The following ABCC8 variants were observed in gnomAD, a reference collection of about 807,000 sequenced individuals.
The protein encoded by ABCC8 is ATP binding cassette subfamily C member 8.
Under a neutral mutation model 188.0 loss-of-function variants are expected in ABCC8, and 137 were observed. The observed-to-expected ratio is 0.73, with a 90% CI of 0.63 to 0.84. The LOEUF (loss-of-function observed/expected upper bound fraction) is 0.84. Among genes scored for constraint, ABCC8 ranks in the 40% least tolerant of loss-of-function variants. The pLI is 0.00. For synonymous variants in ABCC8, 797 were observed against 846.5 expected (o/e 0.94, Z 1.01); for missense variants, 1,750 against 2,072.7 (o/e 0.84, Z 3.02).
chr11:17,392,849 C>T (rs1409041510), downstream of ABCC8: 6 of 1,014,912 alleles, frequency 5.9e-6, no homozygotes, highest in Admixed American at 7.8e-5. Flanking sequence ...CCACCATCCA[C>T]CGCCAGCCCC....
At chr11:17,417,575 T>A (rs1344824838) in intron 16 of ABCC8, among the ~76,000 whole-genome samples, 1 of 152,044 alleles carries the variant, frequency 6.6e-6, no homozygotes, top group Admixed American at 6.6e-5. Context: ...CTCTATCCCC[T>A]CCCCCAGGAT....
At position 17,397,033 on chromosome 11, in the gene ABCC8, G is replaced by A; in HGVS notation, c.4002C>T (p.Ile1334=). 1.2e-6 allele frequency: 2 copies of A among 1,614,176 alleles called. No homozygotes were observed. The highest frequency in any genetic ancestry group is 1.7e-6 in the Non-Finnish European group (2 of 1,180,008). ...SYEGLLAPSL[I]PKNWPDQGKI... ...TCCCTTGGTCTGGCCAGTTCTTTGG[G>A]ATCAGCGATGGTGCTGGGGGCCGGG... The change falls in exon 33 of 39, where the codon ATC becomes ATT. Residue 1334 remains isoleucine, a synonymous_variant. Transcript: ENST00000389817.
Position 17,394,343 on chromosome 11 carries a change from A to G in ABCC8, c.4468T>C (p.Cys1490Arg). 6.2e-7 allele frequency: 1 copy of G among 1,614,122 alleles called. No homozygotes were observed. Among genetic ancestry groups the G allele is most frequent in the Non-Finnish European group, 8.5e-7 (1 of 1,180,038 alleles). The change falls in exon 37 of 39, where the codon TGC becomes CGC. Residue 1490 changes from cysteine (C) to arginine (R), a missense_variant. Coordinates refer to ENST00000389817, the MANE Select transcript of ABCC8 (RefSeq NM_000352.6). ...TTCCTCACGAAGGCCCGGGCCAGGC[A>G]GAACAGCTGCCTCTGTCCCTGGCTG... ...NFSQGQRQLFCLARAFVRKTS... is the reference protein window; with the variant it reads ...NFSQGQRQLFRLARAFVRKTS...
At chr11:17,437,491 C>T (rs1294574622) in intron 10 of ABCC8, among the ~76,000 whole-genome samples, 2 of 152,248 alleles carry the variant, frequency 1.3e-5, no homozygotes, top group Non-Finnish European at 1.5e-5. Flanking sequence ...GAGGAGCATG[C>T]AGGCTCACAG....
At position 17,402,608 on chromosome 11, in the gene ABCC8, C is replaced by G; in HGVS notation, c.3650+53G>C. ...GAGAATCAAATCTCATGGCCTGTGC[C>G]CCCTGGCCCCACCCCTGTTCCACTC... On this transcript the variant is annotated intron_variant, in intron 29 of 38. Transcript: ENST00000389817. The G allele has an allele frequency of 3.7e-6, 6 of 1,614,090 alleles. No homozygotes were observed. In the Admixed American group the frequency reaches 6.7e-5, roughly 18 times the overall value.
rs756864455 is a variant in ABCC8, at chr11:17,457,078, T to C, written c.1011+3410A>G. Reference sequence around the variant, plus strand: ...AGGTGACATTTGAGCAGAGTCTTGATGGCCAAGAAGGAGCTAGTGAATTGA... The same window carrying C: ...AGGTGACATTTGAGCAGAGTCTTGACGGCCAAGAAGGAGCTAGTGAATTGA... On this transcript the variant is annotated intron_variant, in intron 6 of 38. Transcript: ENST00000389817. Among the ~76,000 whole-genome samples, 8 of 152,156 alleles carry C rather than the reference T, an allele frequency of 5.3e-5. No homozygotes were observed. In the South Asian group the frequency reaches 8.3e-4, roughly 16 times the overall value.
rs571073276 is a variant in ABCC8, at chr11:17,427,835, G to A, written c.2116+32C>T. ...TATGTTATTCAGTGGGACATGGGGA[G>A]GGGCATGCTGGAGGGGTGGACTGGG... On this transcript the variant is annotated intron_variant, in intron 15 of 38. Transcript: ENST00000389817. The surrounding 1 kb of genome is among the most constrained non-coding windows in gnomAD (Gnocchi z 5.0). 6.2e-7 allele frequency: 1 copy of A among 1,612,736 alleles called. No individual in the cohort carries two copies. The highest frequency in any genetic ancestry group is 1.3e-5 in the African/African-American group (1 of 75,038).
intron 28 of ABCC8, among the ~76,000 whole-genome samples, chr11:17,403,811 G>GT (rs1175458510): frequency 6.6e-6 from 1 of 152,102 alleles, no homozygotes; most frequent in African/African-American, 2.4e-5. Flanking sequence ...AAAAATGCTG[G>GT]TTGTGATCCA....
chr11:17,463,658 C>T (rs1171276529), intron 3 of ABCC8, 54 bp from the exon 4 acceptor site: 2 of 1,551,746 alleles, frequency 1.3e-6, no homozygotes, highest in Admixed American at 2.0e-5. Context: ...TGTGTGTACA[C>T]TCACATAATG....
intron 12 of ABCC8, 187 bp from the exon 13 acceptor site, chr11:17,428,857 G>A (rs1564925968): frequency 9.1e-7 from 1 of 1,097,600 alleles, no homozygotes; most frequent in Admixed American, 2.6e-5. Flanking sequence ...GTTTGCTAGG[G>A]TTGACCAGTC....
chr11:17,460,580 T>A lies in ABCC8; in HGVS notation c.919A>T (p.Ile307Phe), dbSNP rs1957151719. The change falls in exon 6 of 39, where the codon ATC becomes TTC. Residue 307 changes from isoleucine to phenylalanine, a missense_variant. Physicochemically the swap from Ile to Phe is conservative, Grantham distance 21 (BLOSUM62 0). Coordinates refer to ENST00000389817, the MANE Select transcript of ABCC8 (RefSeq NM_000352.6). ...GCGAAGCCCAGCAGGTCGGCCAAGA[T>A]GCGGAAAGTGCTGCTGAGGACCAGG... ...RRLVLSSTFR[I>F]LADLLGFAGP... 1 of 1,613,870 alleles carries A rather than the reference T, an allele frequency of 6.2e-7. No individual in the cohort carries two copies. The highest frequency in any genetic ancestry group is 2.2e-5 in the East Asian group (1 of 44,880).
At chr11:17,418,713 A>G (rs1267168813) in intron 16 of ABCC8, among the ~76,000 whole-genome samples, 1 of 152,162 alleles carries the variant, frequency 6.6e-6, no homozygotes, top group Non-Finnish European at 1.5e-5. Context: ...CATGGTCTGC[A>G]CTGCTCAATT....
intron 6 of ABCC8, among the ~76,000 whole-genome samples, chr11:17,457,214 T>C (rs80137478): frequency 0.012 from 1,775 of 152,174 alleles, 42 homozygotes; most frequent in African/African-American, 0.041. Flanking sequence ...ACTCATTAAG[T>C]CACTCATAAT....
chr11:17,408,415 G>A lies in ABCC8; in HGVS notation c.2797C>T (p.Arg933Ter), dbSNP rs570388861. 5.0e-6 allele frequency: 8 copies of A among 1,613,456 alleles called. No homozygotes were observed. The highest frequency in any genetic ancestry group is 2.2e-5 in the South Asian group (2 of 91,058). The change falls in exon 23 of 39, where the codon CGA becomes TGA. Residue 933 changes from arginine to a stop codon, truncating the protein, a stop_gained. Coordinates refer to ENST00000389817, the MANE Select transcript of ABCC8 (RefSeq NM_000352.6). LOFTEE classifies it high-confidence loss of function. ...LFEHWKTLMN[R>*]QDQELEKETV... is the part of the protein sequence containing the mutation. ...ACCTTCTCCAGCTCTTGGTCCTGTCGGTTCATGAGGGTCTTCCAGTGCTCA... is the reference window on the plus strand; with the variant it reads ...ACCTTCTCCAGCTCTTGGTCCTGTCAGTTCATGAGGGTCTTCCAGTGCTCA...
At chr11:17,438,059 G>A (rs1438492300) in intron 10 of ABCC8, among the ~76,000 whole-genome samples, 2 of 152,300 alleles carry the variant, frequency 1.3e-5, no homozygotes, top group East Asian at 1.9e-4. Context: ...TTGAGATCGC[G>A]CCACTGCACT....
intron 6 of ABCC8, among the ~76,000 whole-genome samples, chr11:17,453,604 G>C (rs1224362537): frequency 6.6e-6 from 1 of 152,172 alleles, no homozygotes; most frequent in Non-Finnish European, 1.5e-5. Flanking sequence ...TCTGAATGGG[G>C]CAAGAATAAA....
chr11:17,399,021 C>T (rs997663580), intron 29 of ABCC8: 1 of 162,444 alleles, frequency 6.2e-6, no homozygotes, highest in African/African-American at 2.4e-5. Flanking sequence ...GTAATCCCAG[C>T]ACTTTGGGAG....
intron 33 of ABCC8, chr11:17,396,497 C>T (rs772319203): frequency 8.5e-5 from 25 of 293,894 alleles, no homozygotes; most frequent in Middle Eastern, 1.2e-3. Flanking sequence ...GAGTGGGAAA[C>T]GAGAGGAGAG....
At chr11:17,443,383 CCT>C (rs1257173212) in intron 8 of ABCC8, 71 bp from the exon 9 acceptor site, 8 of 1,610,418 alleles carry the variant, frequency 5.0e-6, no homozygotes, top group Admixed American at 1.7e-5. Flanking sequence ...TGGCAAAATC[CCT>C]GTTTCCCCAG....
Sources: gnomAD v4.1 joint callset for allele counts (sites outside exome capture counted in the v4.1 genomes callset) on GRCh38, gnomAD v4.1.1 for gene constraint, Gnocchi (gnomAD v3.1) non-coding constraint, MANE v1.5 for transcripts, NCBI Gene and HGNC (gene_info 2026-07-23, HGNC 2026-07-21) for gene names.